U2AF2: variants seen among roughly 807,000 people sequenced by gnomAD.
U2AF2 encodes splicing factor U2AF 65 kDa subunit.
In U2AF2, 6 loss-of-function variants were observed where a neutral mutation model predicts 52.6. The observed-to-expected ratio is 0.11, with a 90% CI of 0.06 to 0.23. U2AF2 has a LOEUF of 0.23. U2AF2 is among the 10% of genes least tolerant of loss of function. The pLI is 1.00. For synonymous variants in U2AF2, 284 were observed against 258.2 expected (o/e 1.10, Z -0.96); for missense variants, 222 against 677.1 (o/e 0.33, Z 7.46).
intron 3 of U2AF2, 135 bp from the exon 4 acceptor site, chr19:55,660,381 C>T: frequency 1.9e-6 from 2 of 1,073,634 alleles, no homozygotes; most frequent in Non-Finnish European, 2.7e-6. Flanking sequence ...TGCCCCAGAC[C>T]CTCTCCTTCC....
chr19:55,660,977 G>A (rs1186769703), intron 4 of U2AF2, 61 bp from the exon 5 acceptor site: 4 of 1,523,474 alleles, frequency 2.6e-6, no homozygotes, highest in Non-Finnish European at 3.5e-6. Context: ...AGTGTGTGGT[G>A]AGGGGTGGTC....
chr19:55,660,718 A>T, intron 4 of U2AF2, 99 bp downstream of exon 4: 1 of 1,206,464 alleles, frequency 8.3e-7, no homozygotes, highest in South Asian at 1.4e-5. Context: ...GGGGTCAAAG[A>T]CACAGGTAGA....
At chr19:55,663,527 G>A in intron 6 of U2AF2, 79 bp from the exon 7 acceptor site, 8 of 1,538,748 alleles carry the variant, frequency 5.2e-6, no homozygotes, top group South Asian at 5.1e-5. Context: ...AAGGAAAGAG[G>A]AAATCCCAAT....
chr19:55,663,374 G>A (rs1334747761), intron 6 of U2AF2, among the ~76,000 whole-genome samples: 1 of 152,146 alleles, frequency 6.6e-6, no homozygotes, highest in Non-Finnish European at 1.5e-5. Context: ...GCCTGCAATT[G>A]TGTGTTTGCC....
Position 55,660,496 on chromosome 19 carries a change from T to TCCCCCCCCCC in U2AF2, c.231-16_231-15insCCCCCCCCCC. ...AGACTGAGGTTGCCCTGCCCCGCTC[T>TCCCCCCCCCC]CCCCTCCCACCTCCCCCAGTCGTTC... On this transcript the variant is annotated intron_variant, in intron 3 of 11. Coordinates refer to ENST00000308924, the MANE Select transcript of U2AF2 (RefSeq NM_007279.3). 2.2e-6 allele frequency: 2 copies of TCCCCCCCCCC among 894,574 alleles called. No individual in the cohort carries two copies. Among genetic ancestry groups the TCCCCCCCCCC allele is most frequent in the South Asian group, 1.4e-5 (1 of 70,794 alleles). 55.4% of individuals were successfully genotyped at this position (894,574 alleles called of 1,614,324 possible).
rs183076539 is a variant in U2AF2, at chr19:55,670,729, C to T, written c.1293+1037C>T. 2.6e-3 allele frequency: 488 copies of T among 185,686 alleles called. 5 individuals are homozygous for T. Among genetic ancestry groups the T allele is most frequent in the Non-Finnish European group, 2.6e-3 (227 of 88,064 alleles). The allele number at this position is 185,686 out of a possible 1,614,324, so 11.5% of individuals were successfully genotyped here. A position where few individuals can be genotyped will look rare whatever the true frequency, so the allele number is the denominator to read the frequency against. On this transcript the variant is annotated intron_variant, in intron 11 of 11. Transcript: ENST00000308924. The stretch of plus-strand genomic sequence containing the variant: ...AGGGCTGCCTGGGTCTTGGAACGAC[C>T]GCTTATTTTGAGCCAGATGGGAGGG...
chr19:55,658,151 C>T (rs1983913423), intron 1 of U2AF2, among the ~76,000 whole-genome samples: 1 of 152,144 alleles, frequency 6.6e-6, no homozygotes, highest in South Asian at 2.1e-4. Context: ...CTCTTGTCCC[C>T]AGGGATGATC....
intron 3 of U2AF2, 125 bp from the exon 4 acceptor site, chr19:55,660,391 C>T: frequency 9.2e-7 from 1 of 1,083,334 alleles, no homozygotes; most frequent in African/African-American, 1.6e-5. Context: ...CCTCTCCTTC[C>T]CTGGAGAGAG....
chr19:55,671,496 G>A (rs952776941), intron 11 of U2AF2: 9 of 152,256 alleles, frequency 5.9e-5, no homozygotes, highest in African/African-American at 2.2e-4. Flanking sequence ...CAGCATGAGG[G>A]CTGATGGACA....
At position 55,663,595 on chromosome 19, in the gene U2AF2, C is replaced by T. The variant is rs372872498; in HGVS notation, c.604-11C>T. ...CCCCCATCCCTCACCACTCCTTTCT[C>T]TTTCATTCAGTTCCGCTCAGTGGAC... is the stretch of plus-strand genomic sequence containing the variant. On this transcript the variant is annotated splice_polypyrimidine_tract_variant and intron_variant, in intron 6 of 11. Coordinates refer to ENST00000308924, the MANE Select transcript of U2AF2 (RefSeq NM_007279.3). The T allele has an allele frequency of 6.2e-7, 1 of 1,613,150 alleles. No individual in the cohort carries two copies. Among genetic ancestry groups the T allele is most frequent in the African/African-American group, 1.3e-5 (1 of 75,042 alleles).
At chr19:55,670,466 C>CTGTGCACCCTGCTGT (rs1984831697) in intron 11 of U2AF2, among the ~76,000 whole-genome samples, 1 of 6,550 alleles carries the variant, frequency 1.5e-4, no homozygotes, top group Non-Finnish European at 3.4e-4. Context: ...ACCCTGCTGT[C>CTGTGCACCCTGCTGT]CCGTGCACCC....
intron 1 of U2AF2, chr19:55,658,986 C>T: frequency 1.8e-6 from 1 of 555,428 alleles, no homozygotes; most frequent in Non-Finnish European, 2.7e-6. Context: ...CCTCAGGTAT[C>T]TTACACCCCG....
intron 3 of U2AF2, 122 bp downstream of exon 3, chr19:55,660,343 T>G (rs1219278878): frequency 1.9e-5 from 24 of 1,230,814 alleles, no homozygotes; most frequent in Non-Finnish European, 2.6e-5. Context: ...TCCACTTACC[T>G]TGAAACCAGC....
intron 7 of U2AF2, among the ~76,000 whole-genome samples, chr19:55,664,494 G>C (rs892692135): frequency 6.6e-6 from 1 of 152,214 alleles, no homozygotes; most frequent in African/African-American, 2.4e-5. Flanking sequence ...CTGATGAATG[G>C]GATTTGAGGG....
chr19:55,666,706 A>G (rs1984571781), intron 7 of U2AF2, among the ~76,000 whole-genome samples: 1 of 152,178 alleles, frequency 6.6e-6, no homozygotes, highest in Non-Finnish European at 1.5e-5. Context: ...TACAAACAAG[A>G]CTTGAACCCA....
At chr19:55,671,072 C>T (rs1026957902) in intron 11 of U2AF2, among the ~76,000 whole-genome samples, 8 of 152,260 alleles carry the variant, frequency 5.3e-5, no homozygotes, top group Admixed American at 3.3e-4. Context: ...CGGCTTTCCC[C>T]TGGAGTTGGT....
chr19:55,669,241 G>C, intron 10 of U2AF2, 60 bp downstream of exon 10: 2 of 1,591,748 alleles, frequency 1.3e-6, no homozygotes, highest in South Asian at 1.1e-5. Context: ...GCTAGTAGGG[G>C]ACAAGTGTTC....
chr19:55,663,123 C>T (rs1474206006), intron 6 of U2AF2, among the ~76,000 whole-genome samples: 1 of 152,122 alleles, frequency 6.6e-6, no homozygotes, highest in Non-Finnish European at 1.5e-5. Flanking sequence ...AAGGTGTGGG[C>T]AGTGTTAGCT....
At position 55,669,572 on chromosome 19, in the gene U2AF2, C is replaced by T. The variant is rs142451376; in HGVS notation, c.1173C>T (p.Asp391=). The change falls in exon 11 of 12, where the codon GAC becomes GAT. Residue 391 remains aspartate (D), a synonymous_variant. Coordinates refer to ENST00000308924, the MANE Select transcript of U2AF2 (RefSeq NM_007279.3). ...MNMVLPEELL[D]DEEYEEIVED... ...TGGTGCTGCCTGAGGAGCTGCTGGA[C>T]GACGAGGAGTATGAGGAGATCGTGG... 4.7e-3 allele frequency: 7,521 copies of T among 1,613,880 alleles called. 26 individuals are homozygous for T. The highest frequency in any genetic ancestry group is 5.8e-3 in the Non-Finnish European group (6,786 of 1,179,868).
Sources: allele counts gnomAD v4.1 joint callset (sites outside exome capture counted in the v4.1 genomes callset), GRCh38; gene constraint gnomAD v4.1.1; transcripts MANE v1.5; gene names NCBI Gene and HGNC (gene_info 2026-07-23, HGNC 2026-07-21).